Variants in SLC9C1 observed in about 807,000 individuals in gnomAD.
SLC9C1 encodes sodium/hydrogen exchanger 10.
SLC9C1 carries 97 observed loss-of-function variants against 140.9 expected under a neutral mutation model. The observed-to-expected ratio is 0.69, with a 90% confidence interval of 0.58 to 0.82. The LOEUF (loss-of-function observed/expected upper bound fraction) is 0.82. Among genes scored for constraint, SLC9C1 ranks in the 40% least tolerant of loss-of-function variants. SLC9C1 has a pLI of 0.00. For missense variants in SLC9C1, 1,340 were observed against 1,389.3 expected (o/e 0.96, Z 0.56); for synonymous variants, 440 against 442.6 (o/e 0.99, Z 0.07).
intron 15 of SLC9C1, among the ~76,000 whole-genome samples, chr3:112,210,394 T>A (rs1002638047): frequency 6.6e-6 from 1 of 152,200 alleles, no homozygotes; most frequent in Non-Finnish European, 1.5e-5. Context: ...TAACACATTC[T>A]ATTATGTGGA....
intron 20 of SLC9C1, among the ~76,000 whole-genome samples, chr3:112,187,963 A>T (rs2077571546): frequency 6.6e-6 from 1 of 151,882 alleles, no homozygotes; most frequent in South Asian, 2.1e-4. Context: ...ATAGATATTT[A>T]AAATTCTTGT....
intron 16 of SLC9C1, 28 bp downstream of exon 16, chr3:112,208,150 T>G: frequency 6.6e-7 from 1 of 1,516,510 alleles, no homozygotes; most frequent in Non-Finnish European, 8.9e-7. Context: ...CATATAACAC[T>G]TCCATACACA....
At chr3:112,228,985 T>C (rs925333180) in intron 13 of SLC9C1, among the ~76,000 whole-genome samples, 9 of 152,120 alleles carry the variant, frequency 5.9e-5, no homozygotes, top group African/African-American at 2.2e-4. Context: ...CAGAATACTA[T>C]TGAGCCATAA....
intron 27 of SLC9C1, 129 bp downstream of exon 27, chr3:112,154,868 C>T (rs915490657): frequency 2.2e-5 from 18 of 815,344 alleles, no homozygotes; most frequent in Non-Finnish European, 3.5e-5. Context: ...AAGTGTTTTA[C>T]ACCAAAATCT....
At chr3:112,242,098 C>A (rs565683979) in intron 11 of SLC9C1, among the ~76,000 whole-genome samples, 1 of 152,158 alleles carries the variant, frequency 6.6e-6, no homozygotes, top group South Asian at 2.1e-4. Context: ...TGACAAGCAA[C>A]ACCTAATTAA....
chr3:112,261,888 T>C (rs1490971634), intron 10 of SLC9C1, among the ~76,000 whole-genome samples: 1 of 152,080 alleles, frequency 6.6e-6, no homozygotes, highest in East Asian at 1.9e-4. Context: ...AATCGTTCAA[T>C]TTCAGGAAGT....
At chr3:112,171,867 A>G (rs182701458) in intron 23 of SLC9C1, among the ~76,000 whole-genome samples, 2 of 152,274 alleles carry the variant, frequency 1.3e-5, no homozygotes, top group African/African-American at 2.4e-5. Flanking sequence ...AAAATATTGT[A>G]ATTTTTCCAT....
intron 20 of SLC9C1, among the ~76,000 whole-genome samples, chr3:112,196,758 A>G (rs1265490406): frequency 6.6e-6 from 1 of 151,896 alleles, no homozygotes. Flanking sequence ...CTGTGTCTTT[A>G]TGGATATTTC....
At chr3:112,165,313 G>A (rs1415772413) in intron 26 of SLC9C1, among the ~76,000 whole-genome samples, 1 of 152,208 alleles carries the variant, frequency 6.6e-6, no homozygotes, top group Non-Finnish European at 1.5e-5. Flanking sequence ...CATTGCTGGT[G>A]AGGAGCTGCA....
At chr3:112,204,963 C>T (rs192417916) in intron 16 of SLC9C1, among the ~76,000 whole-genome samples, 100 of 152,136 alleles carry the variant, frequency 6.6e-4, no homozygotes, top group African/African-American at 2.2e-3. Flanking sequence ...TCTGGGATAA[C>T]GCAGAATAAG....
chr3:112,263,026 G>A lies in SLC9C1; in HGVS notation c.1095C>T (p.Phe365=). 1 of 1,607,394 alleles carries A rather than the reference G, an allele frequency of 6.2e-7. No individual in the cohort carries two copies. Among genetic ancestry groups the A allele is most frequent in the Non-Finnish European group, 8.5e-7 (1 of 1,176,972 alleles). ...VGHEFSWRWI[F]IMVCSEMKGM... ...CCTTCATTTCACTACAGACCATTAT[G>A]AATATCCAGCGCCAACTGAACTCAT... Residue 365 remains phenylalanine, a synonymous_variant, in exon 10 of 29, where the codon TTC becomes TTT. Coordinates refer to ENST00000305815, the MANE Select transcript of SLC9C1 (RefSeq NM_183061.3).
chr3:112,221,172 C>G lies in SLC9C1; in HGVS notation c.1626G>C (p.Gln542His), dbSNP rs776072507. 3 of 1,613,672 alleles carry G rather than the reference C, an allele frequency of 1.9e-6. No individual in the cohort carries two copies. Among genetic ancestry groups the G allele is most frequent in the Middle Eastern group, 1.7e-4 (1 of 6,058 alleles). Residue 542 changes from glutamine (Q) to histidine (H), a missense_variant, in exon 14 of 29, where the codon CAG becomes CAC. Gln to His is a conservative substitution (Grantham distance 24). Coordinates refer to ENST00000305815, the MANE Select transcript of SLC9C1 (RefSeq NM_183061.3). Reference sequence around the variant, plus strand: ...AACTTTCTGCTGCACCAACCAACACCTGGACAGCACTCTGGGACAGAATCT... The same window carrying G: ...AACTTTCTGCTGCACCAACCAACACGTGGACAGCACTCTGGGACAGAATCT... ...RNEILSQSAVQVLVGAAESFG... is the reference protein window; with the variant it reads ...RNEILSQSAVHVLVGAAESFG...
Position 112,161,281 on chromosome 3 carries a change from C to T in SLC9C1, c.3364+5940G>A, listed in dbSNP as rs539280020. ...CGGAAGCTCTTTAGTTTAATTAGAT[C>T]CCATTTGTCAATTTTGGCTTTTGTT... On this transcript the variant is annotated intron_variant, in intron 26 of 28. Transcript: ENST00000305815. Among the ~76,000 whole-genome samples the T allele has an allele frequency of 5.3e-5, 8 of 152,246 alleles. No homozygotes were observed. The South Asian group carries it at 1.5e-3, about 28-fold the overall frequency.
chr3:112,269,886 T>C, intron 7 of SLC9C1, 30 bp downstream of exon 7: 2 of 1,444,354 alleles, frequency 1.4e-6, no homozygotes, highest in Non-Finnish European at 1.8e-6. Context: ...TTCTATGTGA[T>C]TTTATTTTAG....
At chr3:112,181,484 G>T (rs2077437980) in intron 21 of SLC9C1, among the ~76,000 whole-genome samples, 1 of 152,184 alleles carries the variant, frequency 6.6e-6, no homozygotes, top group Admixed American at 6.5e-5. Flanking sequence ...CCATTTATTT[G>T]CTCATTCCAC....
intron 28 of SLC9C1, among the ~76,000 whole-genome samples, chr3:112,143,190 C>T (rs764629275): frequency 4.3e-4 from 65 of 151,756 alleles, no homozygotes; most frequent in Admixed American, 1.1e-3. Context: ...AGTGGTGCTA[C>T]GATGAACATG....
chr3:112,169,154 C>G, intron 24 of SLC9C1, 43 bp downstream of exon 24: 1 of 1,597,764 alleles, frequency 6.3e-7, no homozygotes, highest in Non-Finnish European at 8.5e-7. Context: ...TAATGCCATT[C>G]CATTCAAAGA....
At chr3:112,187,981 C>T (rs180678551) in intron 20 of SLC9C1, among the ~76,000 whole-genome samples, 31 of 151,880 alleles carry the variant, frequency 2.0e-4, no homozygotes, top group African/African-American at 7.5e-4. Context: ...TGTTTATTTA[C>T]ATATAATGTT....
At chr3:112,163,916 T>C (rs1000329346) in intron 26 of SLC9C1, among the ~76,000 whole-genome samples, 1 of 152,164 alleles carries the variant, frequency 6.6e-6, no homozygotes, top group Non-Finnish European at 1.5e-5. Context: ...TAAGTCTCTT[T>C]GTAGGTCACT....
Sources: allele counts gnomAD v4.1 joint callset (sites outside exome capture counted in the v4.1 genomes callset), GRCh38; gene constraint gnomAD v4.1.1; transcripts MANE v1.5; gene names NCBI Gene and HGNC (gene_info 2026-07-23, HGNC 2026-07-21).